ABR: variants seen among roughly 807,000 people sequenced by gnomAD.
ABR encodes active breakpoint cluster region-related protein.
In ABR, 35 loss-of-function variants were observed where a neutral mutation model predicts 107.2. That is an observed-to-expected ratio of 0.33 (90% CI 0.25 to 0.43). The LOEUF (loss-of-function observed/expected upper bound fraction) is 0.43. ABR is among the 20% of genes least tolerant of loss of function. The pLI, the probability that ABR is intolerant of heterozygous loss-of-function variation, is 1.00. For missense variants in ABR, 815 were observed against 1,115.2 expected, an observed-to-expected ratio of 0.73 and a Z score of 3.83; for synonymous variants, 498 against 462.0, an observed-to-expected ratio of 1.08 and a Z score of -1.00.
intron 12 of ABR, 145 bp downstream of exon 12, chr17:1,057,811 CTCAATTAATCCGTA>C: frequency 1.6e-6 from 1 of 632,772 alleles, no homozygotes; most frequent in Admixed American, 2.6e-5. Flanking sequence ...TTCTTTGGGT[CTCAATTAATCCGTA>C]ACATCCTTAA....
At chr17:1,146,634 CAT>C (rs2040541259) in intron 1 of ABR, among the ~76,000 whole-genome samples, 6 of 34,090 alleles carry the variant, frequency 1.8e-4, no homozygotes, top group Non-Finnish European at 3.2e-4. Flanking sequence ...ACCACTGCCA[CAT>C]GCCACCACTG....
rs770894736 is a variant in ABR at position 1,179,119 on chromosome 17, G to A, written c.61+548C>T. 2.1e-3 allele frequency among the ~76,000 whole-genome samples: 320 copies of A among 151,850 alleles called. 2 individuals carry two copies. The highest frequency in any genetic ancestry group is 7.8e-4 in the Non-Finnish European group (53 of 67,892). ...GCTCCCGCATCCAAACGGCCCCCGCGGATATCTGCACCCCCCGTCTCCCCT... is the reference window on the plus strand; with the variant it reads ...GCTCCCGCATCCAAACGGCCCCCGCAGATATCTGCACCCCCCGTCTCCCCT... On this transcript the variant is annotated intron_variant, in intron 1 of 22. Coordinates refer to ENST00000302538, the MANE Select transcript of ABR (RefSeq NM_021962.5). The surrounding 1 kb of genome is among the most constrained non-coding windows in gnomAD (Gnocchi z 4.9).
Position 1,148,820 on chromosome 17 carries a change from G to A in ABR, c.62-23453C>T, listed in dbSNP as rs752420108. ...CTGATGGCCGCACCAGAGTGTGAACGTGCCTCGGGCCACTGATGCGTACAC... is the reference window on the plus strand; with the variant it reads ...CTGATGGCCGCACCAGAGTGTGAACATGCCTCGGGCCACTGATGCGTACAC... On this transcript the variant is annotated intron_variant, in intron 1 of 22. Transcript: ENST00000302538. The surrounding 1 kb of genome is among the most constrained non-coding windows in gnomAD (Gnocchi z 4.9). 5.9e-5 allele frequency among the ~76,000 whole-genome samples: 9 copies of A among 152,168 alleles called. No individual in the cohort carries two copies. Among genetic ancestry groups the A allele is most frequent in the Non-Finnish European group, 1.3e-4 (9 of 68,032 alleles).
At chr17:1,208,759 G>A (rs1175581660) in intron 1 of ABR, among the ~76,000 whole-genome samples, 1 of 152,172 alleles carries the variant, frequency 6.6e-6, no homozygotes, top group Admixed American at 6.6e-5. Flanking sequence ...GTGGTGGCGG[G>A]CGCCTGTAGT....
chr17:1,021,539 C>T (rs543186794), intron 16 of ABR, among the ~76,000 whole-genome samples: 15 of 152,368 alleles, frequency 9.8e-5, no homozygotes, highest in South Asian at 2.1e-4. Context: ...GGTGCGGTGG[C>T]TCACGCCTGT....
intron 1 of ABR, among the ~76,000 whole-genome samples, chr17:1,140,261 A>G (rs1381593315): frequency 6.6e-6 from 1 of 152,200 alleles, no homozygotes; most frequent in East Asian, 1.9e-4. Context: ...AGCGATGGAC[A>G]GGAAGGGGGA....
Position 1,179,280 on chromosome 17 carries a change from G to T in ABR, c.61+387C>A, listed in dbSNP as rs1464900084. Among the ~76,000 whole-genome samples the T allele has an allele frequency of 6.6e-6, 1 of 152,078 alleles. No homozygotes were observed. Among genetic ancestry groups the T allele is most frequent in the Non-Finnish European group, 1.5e-5 (1 of 67,992 alleles). On this transcript the variant is annotated intron_variant, in intron 1 of 22. Coordinates refer to ENST00000302538, the MANE Select transcript of ABR (RefSeq NM_021962.5). The surrounding 1 kb of genome is among the most constrained non-coding windows in gnomAD (Gnocchi z 4.9). ...CGGCTTCAGCCTGGACAGAGAAGCT[G>T]CCGGTCCAGGGGCGGGGGCAGCACC... is the stretch of plus-strand genomic sequence containing the variant.
chr17:1,112,221 G>T (rs945370418), intron 2 of ABR, among the ~76,000 whole-genome samples: 1 of 152,234 alleles, frequency 6.6e-6, no homozygotes, highest in African/African-American at 2.4e-5. Context: ...GCTGGGAGAC[G>T]GGGCCCTTGC....
chr17:1,072,986 C>T (rs1331494417), intron 7 of ABR, among the ~76,000 whole-genome samples: 1 of 152,058 alleles, frequency 6.6e-6, no homozygotes, highest in South Asian at 2.1e-4. Context: ...TCGAGACCAG[C>T]CTGGGCAACG....
intron 2 of ABR, among the ~76,000 whole-genome samples, chr17:1,112,041 T>C (rs895418651): frequency 6.6e-6 from 1 of 152,178 alleles, no homozygotes; most frequent in Admixed American, 6.5e-5. Flanking sequence ...ACCAAGTCCT[T>C]CGGTTCTTCT....
intron 11 of ABR, 58 bp from the exon 12 acceptor site, chr17:1,058,103 A>C: frequency 8.2e-7 from 1 of 1,218,330 alleles, no homozygotes; most frequent in East Asian, 2.4e-5. Flanking sequence ...GCGTACTCCC[A>C]GATCCTGGGG....
At chr17:1,138,939 G>T (rs189631039) in intron 1 of ABR, among the ~76,000 whole-genome samples, 1 of 152,316 alleles carries the variant, frequency 6.6e-6, no homozygotes, top group South Asian at 2.1e-4. Flanking sequence ...ACAGAATGGG[G>T]TTTTTATAAG....
intron 3 of ABR, among the ~76,000 whole-genome samples, chr17:1,094,615 C>CCTTGAAGTCG (rs1224339673): frequency 6.6e-6 from 1 of 152,164 alleles, no homozygotes; most frequent in African/African-American, 2.4e-5. Flanking sequence ...AAGTGATCCA[C>CCTTGAAGTCG]GTGCCTCGGC....
Position 1,148,286 on chromosome 17 carries a change from G to C in ABR, c.62-22919C>G, listed in dbSNP as rs929116676. 6.6e-6 allele frequency among the ~76,000 whole-genome samples: 1 copy of C among 152,216 alleles called. No individual in the cohort carries two copies. The highest frequency in any genetic ancestry group is 2.4e-5 in the African/African-American group (1 of 41,442). On this transcript the variant is annotated intron_variant, in intron 1 of 22. Transcript: ENST00000302538. The surrounding 1 kb of genome is among the most constrained non-coding windows in gnomAD (Gnocchi z 4.9). ...TTATATTCCGACACAGGCCAATTCTGACATCGATGAACCTTGGGGGCATTA... is the reference window on the plus strand; with the variant it reads ...TTATATTCCGACACAGGCCAATTCTCACATCGATGAACCTTGGGGGCATTA...
At chr17:1,034,776 C>T (rs2073043472) in intron 16 of ABR, among the ~76,000 whole-genome samples, 1 of 152,156 alleles carries the variant, frequency 6.6e-6, no homozygotes, top group Non-Finnish European at 1.5e-5. Flanking sequence ...ATCGGCCCCT[C>T]ACTGGCCTAT....
At chr17:1,109,018 G>A (rs762077158) in intron 2 of ABR, 12 of 1,597,944 alleles carry the variant, frequency 7.5e-6, no homozygotes, top group Admixed American at 1.7e-5. Flanking sequence ...ACACATCTTC[G>A]TCCTCCAGAA....
intron 1 of ABR, among the ~76,000 whole-genome samples, chr17:1,152,748 G>C (rs534911574): frequency 6.6e-6 from 1 of 152,032 alleles, no homozygotes; most frequent in Non-Finnish European, 1.5e-5. Flanking sequence ...TTGGCCAAGC[G>C]CTCTGTTATC....
rs1598068231 is a variant in ABR at position 1,179,660 on chromosome 17, C to A, written c.61+7G>T. ...CCTGGGGTCCCGCCCCCGCCCGGCA[C>A]ACGTACTGCTGTAGAGGGTGTCGAT... On this transcript the variant is annotated splice_region_variant and intron_variant, in intron 1 of 22. Coordinates refer to ENST00000302538, the MANE Select transcript of ABR (RefSeq NM_021962.5). The surrounding 1 kb of genome is among the most constrained non-coding windows in gnomAD (Gnocchi z 4.9). The A allele has an allele frequency of 1.9e-6, 3 of 1,545,956 alleles. No individual in the cohort carries two copies. The South Asian group carries it at 3.6e-5, about 18-fold the overall frequency.
chr17:1,205,464 G>A (rs1175413890), intron 1 of ABR, among the ~76,000 whole-genome samples: 1 of 152,146 alleles, frequency 6.6e-6, no homozygotes, highest in Non-Finnish European at 1.5e-5. Flanking sequence ...AGAGGTGACA[G>A]GAAATGACAG....
Sources: gnomAD v4.1 joint callset for allele counts (sites outside exome capture counted in the v4.1 genomes callset) on GRCh38, gnomAD v4.1.1 for gene constraint, Gnocchi (gnomAD v3.1) non-coding constraint, MANE v1.5 for transcripts, NCBI Gene and HGNC (gene_info 2026-07-23, HGNC 2026-07-21) for gene names.